TRIM7: variants seen among roughly 807,000 people sequenced by gnomAD.
TRIM7 encodes the protein tripartite motif containing 7.
Under a neutral mutation model 37.9 loss-of-function variants are expected in TRIM7, and 32 were observed. The observed-to-expected ratio is 0.84, with a 90% CI of 0.64 to 1.13. The LOEUF (loss-of-function observed/expected upper bound fraction) is 1.13. Among genes scored for constraint, TRIM7 ranks in the 50% most tolerant of loss-of-function variants. The pLI, the probability that TRIM7 is intolerant of heterozygous loss-of-function variation, is 0.00. For missense variants in TRIM7, 732 were observed against 714.0 expected (o/e 1.03, Z -0.29); for synonymous variants, 351 against 321.3 (o/e 1.09, Z -0.99).
chr5:181,202,287 C>G (rs533449289), intron 2 of TRIM7: 2 of 149,878 alleles, frequency 1.3e-5, no homozygotes, highest in Admixed American at 6.8e-5. Context: ...TCAAGTGATT[C>G]TCCTGCCTCA....
Position 181,205,008 on chromosome 5 carries a change from GCT to G in TRIM7, c.101_102del (p.Glu34AlafsTer4). 6.8e-7 allele frequency: 1 copy of G among 1,481,456 alleles called. No individual in the cohort carries two copies. Among genetic ancestry groups the G allele is most frequent in the South Asian group, 1.3e-5 (1 of 77,984 alleles). 91.8% of individuals were successfully genotyped at this position (1,481,456 alleles called of 1,614,324 possible). A position where few individuals can be genotyped will look rare whatever the true frequency, so the allele number is the denominator to read the frequency against. On this transcript the variant is annotated frameshift_variant, in exon 1 of 7. Coordinates refer to ENST00000274773, the MANE Select transcript of TRIM7 (RefSeq NM_203293.3). LOFTEE classifies it high-confidence loss of function. ...TCGACGGACACCGGCTCACGAAAGA[GCT>G]CTAGGCAGATGGAGCACGTCGCCTC... is the stretch of plus-strand genomic sequence containing the variant. ...QGEATCSICL[E>X]LFREPVSVEC...
chr5:181,197,988 G>A lies in TRIM7; in HGVS notation c.1024+195C>T. On this transcript the variant is annotated intron_variant, in intron 6 of 6. Coordinates refer to ENST00000274773, the MANE Select transcript of TRIM7 (RefSeq NM_203293.3). ...GCTCCTAACCAACCTGCAGCATTTG[G>A]GCCAACATCTGAGGGTGTCAGAGCT... 9.8e-6 allele frequency: 6 copies of A among 610,912 alleles called. No individual in the cohort carries two copies. The South Asian group carries it at 1.2e-4, about 12-fold the overall frequency. 37.8% of individuals were successfully genotyped at this position (610,912 alleles called of 1,614,324 possible).
chr5:181,195,903 A>C, intron 6 of TRIM7: 6 of 474,034 alleles, frequency 1.3e-5, no homozygotes, highest in East Asian at 3.4e-5. Flanking sequence ...AACAAATGCA[A>C]TGTGTGGGCC....
Position 181,195,619 on chromosome 5 carries a change from A to C in TRIM7, c.1083T>G (p.Leu361=), listed in dbSNP as rs760816406. 2 of 1,568,972 alleles carry C rather than the reference A, an allele frequency of 1.3e-6. No individual in the cohort carries two copies. The highest frequency in any genetic ancestry group is 1.7e-6 in the Non-Finnish European group (2 of 1,154,086). The change falls in exon 7 of 7, where the codon CTT becomes CTG. Residue 361 remains leucine (L), a synonymous_variant. Transcript: ENST00000274773. ...ANPRLILSLD[L]KGVRLGERAQ... ...CCCGCTCGCCGAGGCGCACGCCCTT[A>C]AGATCCAGAGAGAGGATGAGGCGCG...
chr5:181,200,585 G>A (rs953346603), intron 2 of TRIM7: 19 of 1,004,338 alleles, frequency 1.9e-5, no homozygotes, highest in Middle Eastern at 5.0e-4. Context: ...CTTGGGAGAT[G>A]TAGGAAAGTA....
chr5:181,199,233 C>T (rs1359190422), intron 3 of TRIM7, 116 bp from the exon 4 acceptor site: 45 of 1,236,500 alleles, frequency 3.6e-5, no homozygotes, highest in East Asian at 9.3e-5. Flanking sequence ...AAGTGTGCCA[C>T]GCCTCACTGC....
chr5:181,195,721 C>T (rs750412158), intron 6 of TRIM7, 44 bp from the exon 7 acceptor site: 7 of 1,506,524 alleles, frequency 4.6e-6, no homozygotes, highest in South Asian at 4.0e-5. Flanking sequence ...CAGCCAGGCC[C>T]CTGGCACAGT....
chr5:181,198,624 C>A, intron 5 of TRIM7, 66 bp downstream of exon 5: 18 of 1,142,716 alleles, frequency 1.6e-5, no homozygotes, highest in Non-Finnish European at 2.4e-5. Context: ...CCAGGGACCC[C>A]TGAGCTACCA....
chr5:181,200,426 G>C, intron 2 of TRIM7: 1 of 1,303,680 alleles, frequency 7.7e-7, no homozygotes, highest in African/African-American at 1.5e-5. Context: ...AGTGCCTCCT[G>C]GGGCAACCAT....
In TRIM7 at chr5:181,198,177, C is replaced by T. The variant is rs1038240689; in HGVS notation, c.1024+6G>A. ...TCCATACTCGCCATCACAGCACCAT[C>T]CCTACCTTTCTCCTCTTTCTCCAGC... On this transcript the variant is annotated splice_donor_region_variant and intron_variant, in intron 6 of 6. Transcript: ENST00000274773. 6.2e-7 allele frequency: 1 copy of T among 1,614,126 alleles called. No homozygotes were observed. The highest frequency in any genetic ancestry group is 8.5e-7 in the Non-Finnish European group (1 of 1,179,994).
At chr5:181,203,070 C>T (rs1028206095) in intron 2 of TRIM7, 1 of 189,314 alleles carries the variant, frequency 5.3e-6, no homozygotes, top group Non-Finnish European at 1.0e-5. Context: ...CCCTCTAGCC[C>T]CTTCTCCGTT....
In TRIM7 at chr5:181,195,176, A is replaced by AT; in HGVS notation, c.1525dup (p.Ile509AsnfsTer71). ...CCCCAGCAGTGCCCCTCAAGGCCAGATTCGCAAGTAGGTGCCCGTGGAGCA... is the reference window on the plus strand; with the variant it reads ...CCCCAGCAGTGCCCCTCAAGGCCAGATTTCGCAAGTAGGTGCCCGTGGAGCA... On this transcript the variant is annotated frameshift_variant, in exon 7 of 7. Transcript: ENST00000274773. LOFTEE classifies it high-confidence loss of function. 1 of 1,599,832 alleles carries AT rather than the reference A, an allele frequency of 6.3e-7. No individual in the cohort carries two copies. Among genetic ancestry groups the AT allele is most frequent in the Middle Eastern group, 1.7e-4 (1 of 5,990 alleles).
chr5:181,199,664 T>C (rs1394134499), intron 3 of TRIM7, 187 bp downstream of exon 3: 1 of 879,256 alleles, frequency 1.1e-6, no homozygotes, highest in Non-Finnish European at 1.7e-6. Flanking sequence ...TTGTGGCTCA[T>C]AGTCAAGAAA....
Position 181,194,355 on chromosome 5 carries a change from A to G in TRIM7, c.*811T>C, listed in dbSNP as rs989717419. 1.3e-5 allele frequency: 2 copies of G among 152,432 alleles called. No individual in the cohort carries two copies. Among genetic ancestry groups the G allele is most frequent in the Non-Finnish European group, 2.9e-5 (2 of 68,190 alleles). The allele number at this position is 152,432 out of a possible 1,614,324, so 9.4% of individuals were successfully genotyped here. On this transcript the variant is annotated 3_prime_UTR_variant, in exon 7 of 7. Coordinates refer to ENST00000274773, the MANE Select transcript of TRIM7 (RefSeq NM_203293.3). ...GGAGTTCAAGACCAGCCTGGGCAAC[A>G]TAGCAAGACCCAGTCTCTTAAAAGA... is the stretch of plus-strand genomic sequence containing the variant.
Position 181,195,118 on chromosome 5 carries a change from T to A in TRIM7, c.*48A>T. 1 of 1,548,298 alleles carries A rather than the reference T, an allele frequency of 6.5e-7. No homozygotes were observed. The highest frequency in any genetic ancestry group is 8.7e-7 in the Non-Finnish European group (1 of 1,144,676). ...ACCAGGCATCTCTGGGGAGGCGACA[T>A]CCCCTCCCACCGGCAGCCCAGAGAC... On this transcript the variant is annotated 3_prime_UTR_variant, in exon 7 of 7. Coordinates refer to ENST00000274773, the MANE Select transcript of TRIM7 (RefSeq NM_203293.3).
chr5:181,194,455 C>T lies in TRIM7; in HGVS notation c.*711G>A, dbSNP rs545094132. ...TCCAAGCAGCGTTTGTACTTTGGCACTGGAAAGTGCGGGAGTCAGGGGTTT... is the reference window on the plus strand; with the variant it reads ...TCCAAGCAGCGTTTGTACTTTGGCATTGGAAAGTGCGGGAGTCAGGGGTTT... On this transcript the variant is annotated 3_prime_UTR_variant, in exon 7 of 7. Coordinates refer to ENST00000274773, the MANE Select transcript of TRIM7 (RefSeq NM_203293.3). 1 of 145,762 alleles carries T rather than the reference C, an allele frequency of 6.9e-6. No individual in the cohort carries two copies. The highest frequency in any genetic ancestry group is 1.5e-5 in the Non-Finnish European group (1 of 68,020). 9.0% of individuals were successfully genotyped at this position (145,762 alleles called of 1,614,324 possible).
intron 2 of TRIM7, chr5:181,200,380 G>T (rs1216140125): frequency 3.5e-5 from 48 of 1,380,102 alleles, no homozygotes; most frequent in Non-Finnish European, 4.5e-5. Context: ...ACGCCAAGCT[G>T]CAGCTTCCTC....
chr5:181,200,096 G>A lies in TRIM7; in HGVS notation c.619-15C>T. 6.2e-7 allele frequency: 1 copy of A among 1,614,278 alleles called. No homozygotes were observed. Among genetic ancestry groups the A allele is most frequent in the Non-Finnish European group, 8.5e-7 (1 of 1,180,054 alleles). On this transcript the variant is annotated splice_polypyrimidine_tract_variant and intron_variant, in intron 2 of 6. Transcript: ENST00000274773. ...GCCATCTGTTTCTGTCCCAGGAGGA[G>A]AAGTTGGAGAGGGACTTGAACATGG...
At chr5:181,199,549 C>T (rs551368163) in intron 3 of TRIM7, 8 of 477,658 alleles carry the variant, frequency 1.7e-5, no homozygotes, top group East Asian at 1.5e-4. Flanking sequence ...TTTTTTTTAG[C>T]GAAATAGAAT....
Sources: allele counts gnomAD v4.1 joint callset, GRCh38; gene constraint gnomAD v4.1.1; transcripts MANE v1.5; gene names NCBI Gene and HGNC (gene_info 2026-07-23, HGNC 2026-07-21).